AMOT: variants seen among roughly 807,000 people sequenced by gnomAD.
AMOT encodes the protein angiomotin.
AMOT carries 11 observed loss-of-function variants against 67.0 expected under a neutral mutation model. The ratio of observed to expected loss-of-function variants is 0.16; its 90% CI spans 0.10 to 0.27. The LOEUF (loss-of-function observed/expected upper bound fraction) is 0.27, where lower values mean the gene tolerates loss of function less well. Among genes scored for constraint, AMOT ranks in the 10% least tolerant of loss-of-function variants. AMOT has a pLI of 1.00. For synonymous variants in AMOT, 326 were observed against 321.4 expected (o/e 1.01, Z -0.15); for missense variants, 753 against 852.0 (o/e 0.88, Z 1.45).
intron 7 of AMOT, among the ~76,000 whole-genome samples, chrX:112,807,608 A>C (rs972522451): frequency 9.0e-6 from 1 of 111,702 alleles, no homozygotes; most frequent in African/African-American, 3.3e-5. Flanking sequence ...AAGACATGTT[A>C]AGAAAGAATC....
chrX:112,832,052 C>T (rs770832067), intron 2 of AMOT, among the ~76,000 whole-genome samples: 103 of 111,162 alleles, frequency 9.3e-4, no homozygotes, highest in African/African-American at 3.2e-3. Context: ...ATCACTATTA[C>T]GGGTTGAGCC....
chrX:112,783,297 A>G (rs1161197383), intron 10 of AMOT, among the ~76,000 whole-genome samples: 2 of 108,357 alleles, frequency 1.8e-5, no homozygotes, highest in Admixed American at 2.0e-4. Context: ...TCTGTCTCAA[A>G]AAAAAAAAAA....
intron 8 of AMOT, among the ~76,000 whole-genome samples, chrX:112,797,326 G>C (rs1031923744): frequency 1.8e-5 from 2 of 111,030 alleles, no homozygotes; most frequent in African/African-American, 6.6e-5. Flanking sequence ...CACAGTTTAA[G>C]CTATAATAAC....
intron 1 of AMOT, among the ~76,000 whole-genome samples, chrX:112,837,119 C>T (rs779211052): frequency 8.9e-6 from 1 of 111,833 alleles, no homozygotes; most frequent in South Asian, 3.8e-4. Context: ...TAGTCTCATC[C>T]TTAGAATTGT....
chrX:112,803,755 CAATG>C (rs1234755370), intron 8 of AMOT, among the ~76,000 whole-genome samples: 1 of 112,412 alleles, frequency 8.9e-6, no homozygotes, highest in East Asian at 2.8e-4. Flanking sequence ...AGGAAGCAAG[CAATG>C]AATGAAGGCA....
chrX:112,776,558 T>C lies in AMOT; in HGVS notation c.*2009A>G, dbSNP rs1157294830. On this transcript the variant is annotated 3_prime_UTR_variant, in exon 14 of 14. Coordinates refer to ENST00000371959, the MANE Select transcript of AMOT (RefSeq NM_001113490.2). ...AAATCACATCACCCTCCTTTATGTC[T>C]CTACACACACACAGGCACACACACA... 8.9e-6 allele frequency: 1 copy of C among 111,828 alleles called. No individual in the cohort carries two copies. The highest frequency in any genetic ancestry group is 3.8e-4 in the South Asian group (1 of 2,658). The allele number at this position is 111,828 out of a possible 1,213,427, so 9.2% of individuals were successfully genotyped here. A position where few individuals can be genotyped will look rare whatever the true frequency, so the allele number is the denominator to read the frequency against.
At chrX:112,794,835 G>C (rs915255746) in intron 8 of AMOT, among the ~76,000 whole-genome samples, 1 of 111,454 alleles carries the variant, frequency 9.0e-6, no homozygotes, top group Admixed American at 9.5e-5. Flanking sequence ...TTAATACCAA[G>C]CCATACACAT....
chrX:112,813,931 T>A (rs919330954), intron 5 of AMOT, among the ~76,000 whole-genome samples: 2 of 112,063 alleles, frequency 1.8e-5, no homozygotes, highest in African/African-American at 6.5e-5. Flanking sequence ...ACAACCCTCA[T>A]CCAGATTTAG....
At chrX:112,804,458 G>A (rs1349862508) in intron 8 of AMOT, among the ~76,000 whole-genome samples, 1 of 111,715 alleles carries the variant, frequency 9.0e-6, no homozygotes, top group Non-Finnish European at 1.9e-5. Context: ...CACTAAGCCT[G>A]GGTAGACAAG....
chrX:112,791,924 G>A lies in AMOT; in HGVS notation c.1834C>T (p.Gln612Ter), dbSNP rs1933617248. Residue 612 changes from glutamine to a stop codon, truncating the protein, a stop_gained, in exon 9 of 14, where the codon CAG becomes TAG. Transcript: ENST00000371959. LOFTEE classifies it high-confidence loss of function. Reference protein sequence around the residue: ...KVEKMQQALVQLQAACEKREQ... With the variant: ...KVEKMQQALV The stretch of plus-strand genomic sequence containing the variant: ...CGTTTTTCACATGCTGCCTGGAGCT[G>A]TACAAGGGCCTGCTGCATCTTCTCC... 1 of 1,210,145 alleles carries A rather than the reference G, an allele frequency of 8.3e-7. No individual in the cohort carries two copies. Among genetic ancestry groups the A allele is most frequent in the African/African-American group, 1.7e-5 (1 of 57,211 alleles).
At chrX:112,831,454 A>G (rs1453896636) in intron 2 of AMOT, among the ~76,000 whole-genome samples, 1 of 85,857 alleles carries the variant, frequency 1.2e-5, no homozygotes, top group Non-Finnish European at 2.0e-5. Context: ...GCAATAAATA[A>G]ATAAATAAAT....
chrX:112,817,569 A>G (rs956534579), intron 4 of AMOT, among the ~76,000 whole-genome samples: 6 of 111,495 alleles, frequency 5.4e-5, no homozygotes, highest in African/African-American at 2.0e-4. Flanking sequence ...CATTCCAAAC[A>G]CTTTCTCATG....
Position 112,822,147 on chromosome X carries a change from G to T in AMOT, c.872+108C>A, listed in dbSNP as rs766480171. ...AGCCAGAGGCCTGTCATGCATTGCA[G>T]AGTTTGTTATATCAAACACCTGCCC... On this transcript the variant is annotated intron_variant, in intron 4 of 13. Transcript: ENST00000371959. The T allele has an allele frequency of 1.9e-5, 19 of 989,797 alleles. No homozygotes were observed. The African/African-American group carries it at 3.3e-4, about 17-fold the overall frequency. The allele number at this position is 989,797 out of a possible 1,213,427, so 81.6% of individuals were successfully genotyped here.
chrX:112,787,779 G>A (rs1933417822), intron 10 of AMOT, among the ~76,000 whole-genome samples: 1 of 111,871 alleles, frequency 8.9e-6, no homozygotes, highest in Non-Finnish European at 1.9e-5. Flanking sequence ...AATATATTAA[G>A]TTTGAGATCC....
intron 9 of AMOT, 113 bp downstream of exon 9, chrX:112,791,719 G>A (rs1933598991): frequency 1.0e-6 from 1 of 970,233 alleles, no homozygotes; most frequent in Non-Finnish European, 1.4e-6. Context: ...ATGTAAAAAT[G>A]AGCAAGTGTG....
intron 7 of AMOT, among the ~76,000 whole-genome samples, chrX:112,807,838 C>T (rs1934239885): frequency 8.9e-6 from 1 of 112,188 alleles, no homozygotes; most frequent in Admixed American, 9.4e-5. Context: ...TGTGATACAA[C>T]AGATTCTGTA....
At chrX:112,783,691 A>ATGTGTGTGTG (rs34787381) in intron 10 of AMOT, among the ~76,000 whole-genome samples, 40 of 100,652 alleles carry the variant, frequency 4.0e-4, no homozygotes, top group South Asian at 1.9e-3. Flanking sequence ...AAGGAAAAAC[A>ATGTGTGTGTG]TGTGTGTGTG....
In AMOT at chrX:112,822,823, T is replaced by C. The variant is rs1377332937; in HGVS notation, c.304A>G (p.Asn102Asp). The C allele has an allele frequency of 8.6e-7, 1 of 1,167,319 alleles. No homozygotes were observed. The stretch of plus-strand genomic sequence containing the variant: ...TCATAGGTCGGGAGTTCTTCATTAT[T>C]TTGCATTCGAGGAGACAGCTGCTTC... Reference protein sequence around the residue: ...MEKQLSPRMQNNEELPTYEEA... With the variant: ...MEKQLSPRMQDNEELPTYEEA... The change falls in exon 4 of 14, where the codon AAT becomes GAT. Residue 102 changes from asparagine to aspartate, a missense_variant. Around this residue, in one of 5 missense-constraint regions of AMOT, gnomAD observed 118 missense variants for 125.9 expected, o/e 0.94. Coordinates refer to ENST00000371959, the MANE Select transcript of AMOT (RefSeq NM_001113490.2).
chrX:112,779,659 T>C lies in AMOT; in HGVS notation c.2495A>G (p.Tyr832Cys). 8.3e-7 allele frequency: 1 copy of C among 1,202,206 alleles called. No homozygotes were observed. The highest frequency in any genetic ancestry group is 3.0e-5 in the East Asian group (1 of 33,620). ...GSLGILLGGD[Y>C]RAEYVPSTPS... Reference sequence around the variant, plus strand: ...TGTGGAAGGGACATATTCAGCACGGTAGTCTCCACCCAGGAGAATGCCTAC... The same window carrying C: ...TGTGGAAGGGACATATTCAGCACGGCAGTCTCCACCCAGGAGAATGCCTAC... The change falls in exon 13 of 14, where the codon TAC becomes TGC. Residue 832 changes from tyrosine (Y) to cysteine (C), a missense_variant. By Grantham distance (194) the Tyr-to-Cys change is radical (BLOSUM62 -2). This residue lies in a region of AMOT where 269 missense variants were observed against 300.9 expected (regional missense o/e 0.89). Transcript: ENST00000371959.
Sources: gnomAD v4.1 joint callset for allele counts (sites outside exome capture counted in the v4.1 genomes callset) on GRCh38, gnomAD v4.1.1 for gene constraint, gnomAD v4.1.1 regional missense constraint, MANE v1.5 for transcripts, NCBI Gene and HGNC (gene_info 2026-07-23, HGNC 2026-07-21) for gene names.